The following KCNIP4 variants were observed in gnomAD, a reference collection of about 807,000 sequenced individuals.
The protein encoded by KCNIP4 is Kv channel-interacting protein 4.
A neutral mutation model predicts 34.0 loss-of-function variants in KCNIP4; 12 were observed. The observed-to-expected ratio is 0.35, with a 90% CI of 0.23 to 0.57. The LOEUF is 0.57. Ranked by LOEUF, KCNIP4 falls within the 20% of genes least tolerant of loss-of-function variation. The probability of loss-of-function intolerance (pLI) is 0.83; values close to 1 mark genes in which losing one functional copy is unlikely to be tolerated. For synonymous variants in KCNIP4, 124 were observed against 102.2 expected (o/e 1.21, Z -1.29); for missense variants, 238 against 311.7 (o/e 0.76, Z 1.78).
chr4:20,984,491 G>C (rs1035260016), intron 1 of KCNIP4, among the ~76,000 whole-genome samples: 2 of 152,154 alleles, frequency 1.3e-5, no homozygotes, highest in Non-Finnish European at 2.9e-5. Context: ...ATCAGTTCTG[G>C]TGGCTGGTGC....
intron 1 of KCNIP4, among the ~76,000 whole-genome samples, chr4:21,219,433 T>C (rs1757832916): frequency 1.3e-5 from 2 of 152,204 alleles, no homozygotes; most frequent in Admixed American, 1.3e-4. Flanking sequence ...GCTTTCACTG[T>C]AACATAAAGA....
chr4:20,765,262 G>A (rs1196922025), intron 3 of KCNIP4, among the ~76,000 whole-genome samples: 1 of 152,024 alleles, frequency 6.6e-6, no homozygotes. Flanking sequence ...CTTGCCTTCT[G>A]GATTATTACT....
chr4:21,041,365 C>G (rs564463087), intron 1 of KCNIP4, among the ~76,000 whole-genome samples: 37 of 152,276 alleles, frequency 2.4e-4, no homozygotes, highest in Non-Finnish European at 4.6e-4. Context: ...ATTGTGTGCA[C>G]TCTATCTGCT....
At chr4:21,943,500 A>G (rs1013061810) in intron 1 of KCNIP4, among the ~76,000 whole-genome samples, 9 of 152,120 alleles carry the variant, frequency 5.9e-5, no homozygotes, top group African/African-American at 2.2e-4. Flanking sequence ...TAATGGCACC[A>G]CTGCACTCCA....
At chr4:21,142,299 T>A (rs909958467) in intron 1 of KCNIP4, among the ~76,000 whole-genome samples, 1 of 152,100 alleles carries the variant, frequency 6.6e-6, no homozygotes, top group African/African-American at 2.4e-5. Flanking sequence ...AATAGTTTGA[T>A]CTGAAATGAA....
At chr4:21,850,531 G>C (rs1227202698) in intron 1 of KCNIP4, 1 of 152,028 alleles carries the variant, frequency 6.6e-6, no homozygotes, top group African/African-American at 2.4e-5. Context: ...ACTCTACAGA[G>C]AGTCCCTACC....
chr4:21,744,888 T>C (rs987954639), intron 1 of KCNIP4, among the ~76,000 whole-genome samples: 7 of 152,334 alleles, frequency 4.6e-5, no homozygotes, highest in Admixed American at 4.6e-4. Context: ...TTAAAGTAGT[T>C]TGCAAACTAT....
In KCNIP4 at chr4:21,335,246, G is replaced by T. The variant is rs577015947; in HGVS notation, c.62-452537C>A. Among the ~76,000 whole-genome samples the T allele has an allele frequency of 2.1e-3, 323 of 151,932 alleles. 2 individuals carry two copies. Among genetic ancestry groups the T allele is most frequent in the African/African-American group, 7.6e-3 (316 of 41,450 alleles). ...GATAACTGGACCTCATAGCATCTCG[G>T]CATCTTAACTTGTGAACCAACGGCT... On this transcript the variant is annotated intron_variant, in intron 1 of 8. Coordinates refer to ENST00000382152, the MANE Select transcript of KCNIP4 (RefSeq NM_025221.6).
chr4:21,448,532 G>A (rs1258896281), intron 1 of KCNIP4, among the ~76,000 whole-genome samples: 3 of 152,020 alleles, frequency 2.0e-5, no homozygotes, highest in Non-Finnish European at 4.4e-5. Context: ...TTCTTCTCAT[G>A]GCTTATAGTA....
chr4:21,918,511 T>C (rs949276415), intron 1 of KCNIP4, among the ~76,000 whole-genome samples: 2 of 151,974 alleles, frequency 1.3e-5, no homozygotes, highest in African/African-American at 4.8e-5. Context: ...TGGTCCAGGC[T>C]AGGACTGTGA....
intron 1 of KCNIP4, among the ~76,000 whole-genome samples, chr4:21,419,051 G>A (rs1725216223): frequency 1.3e-5 from 2 of 152,168 alleles, no homozygotes; most frequent in Non-Finnish European, 1.5e-5. Flanking sequence ...CTACTCGGGA[G>A]TTTTCACCTG....
intron 1 of KCNIP4, among the ~76,000 whole-genome samples, chr4:21,678,489 T>C (rs1426660036): frequency 6.6e-6 from 1 of 152,132 alleles, no homozygotes; most frequent in Non-Finnish European, 1.5e-5. Flanking sequence ...CCCATTCCAC[T>C]CACGACATGT....
chr4:21,431,197 AG>A (rs1384490558), intron 1 of KCNIP4, among the ~76,000 whole-genome samples: 2 of 152,104 alleles, frequency 1.3e-5, no homozygotes, highest in Non-Finnish European at 2.9e-5. Flanking sequence ...TAAGGAATAT[AG>A]AACTGTGTCT....
At chr4:21,658,888 T>C (rs1177997699) in intron 1 of KCNIP4, among the ~76,000 whole-genome samples, 1 of 152,190 alleles carries the variant, frequency 6.6e-6, no homozygotes, top group African/African-American at 2.4e-5. Flanking sequence ...CTTTAGGATT[T>C]CAATGATTCT....
chr4:20,974,588 G>A (rs991580470), intron 1 of KCNIP4, among the ~76,000 whole-genome samples: 1 of 152,116 alleles, frequency 6.6e-6, no homozygotes, highest in Non-Finnish European at 1.5e-5. Context: ...GATGCTCAGT[G>A]CTAAAAGTGT....
chr4:21,296,789 A>G (rs556556852), intron 1 of KCNIP4, among the ~76,000 whole-genome samples: 2 of 152,134 alleles, frequency 1.3e-5, no homozygotes, highest in East Asian at 2.0e-4. Context: ...ACTTAATCAA[A>G]TGCTTTTCAA....
intron 1 of KCNIP4, among the ~76,000 whole-genome samples, chr4:21,223,960 C>A (rs561528523): frequency 2.0e-5 from 3 of 152,174 alleles, no homozygotes; most frequent in Middle Eastern, 3.4e-3. Context: ...CCTAAGGCCA[C>A]CTGCTTATCA....
At chr4:21,636,144 TGGGGGGA>T (rs1746132832) in intron 1 of KCNIP4, among the ~76,000 whole-genome samples, 1 of 32,894 alleles carries the variant, frequency 3.0e-5, no homozygotes, top group Non-Finnish European at 5.7e-5. Flanking sequence ...TGTTGTGGGG[TGGGGGGA>T]GGGGGGAGGG....
At chr4:21,272,125 G>C (rs1762186837) in intron 1 of KCNIP4, among the ~76,000 whole-genome samples, 1 of 152,148 alleles carries the variant, frequency 6.6e-6, no homozygotes, top group Non-Finnish European at 1.5e-5. Flanking sequence ...AAGCTGGACT[G>C]CTGGGTTCCA....
Sources: gnomAD v4.1 joint callset for allele counts (sites outside exome capture counted in the v4.1 genomes callset) on GRCh38, gnomAD v4.1.1 for gene constraint, MANE v1.5 for transcripts, NCBI Gene and HGNC (gene_info 2026-07-23, HGNC 2026-07-21) for gene names.